The following NALF1 variants were observed in gnomAD, a reference collection of about 807,000 sequenced individuals.
The protein encoded by NALF1 is family with sequence similarity 155 member A.
Under a neutral mutation model 48.4 loss-of-function variants are expected in NALF1, and 3 were observed. That is an observed-to-expected ratio of 0.06 (90% CI 0.03 to 0.16). The LOEUF is 0.16. Among genes scored for constraint, NALF1 ranks in the 10% least tolerant of loss-of-function variants. NALF1 has a pLI of 1.00. For synonymous variants in NALF1, 262 were observed against 245.7 expected (o/e 1.07, Z -0.62); for missense variants, 526 against 571.5 (o/e 0.92, Z 0.81).
intron 1 of NALF1, 103 bp downstream of exon 1, chr13:107,865,579 C>A: frequency 6.8e-7 from 1 of 1,474,306 alleles, no homozygotes; most frequent in Non-Finnish European, 9.1e-7. Context: ...CACAAAGTAA[C>A]AAAACCATAG....
intron 1 of NALF1, among the ~76,000 whole-genome samples, chr13:107,644,646 C>CATATATATATATATATATATATATAT (rs58981652): frequency 3.3e-4 from 36 of 108,204 alleles, no homozygotes; most frequent in Admixed American, 7.4e-4. Flanking sequence ...TACATACATA[C>CATATATATATATATATATATATATAT]ATATATATAT....
chr13:107,523,314 T>C (rs1350935601), intron 1 of NALF1, among the ~76,000 whole-genome samples: 1 of 152,148 alleles, frequency 6.6e-6, no homozygotes, highest in East Asian at 1.9e-4. Context: ...CACGGGTATT[T>C]TAGAATCTCA....
chr13:107,259,423 T>A (rs1318347655), intron 1 of NALF1, among the ~76,000 whole-genome samples: 2 of 152,168 alleles, frequency 1.3e-5, no homozygotes, highest in Non-Finnish European at 2.9e-5. Context: ...GTCCTCAAGA[T>A]CTGTCACTGA....
chr13:107,636,484 T>C (rs79691903), intron 1 of NALF1, among the ~76,000 whole-genome samples: 1,946 of 152,288 alleles, frequency 0.013, 36 homozygotes, highest in African/African-American at 0.045. Flanking sequence ...CATTTAACCA[T>C]TTATTTTCAA....
intron 1 of NALF1, among the ~76,000 whole-genome samples, chr13:107,484,044 A>G (rs1885291925): frequency 6.6e-6 from 1 of 152,104 alleles, no homozygotes; most frequent in Non-Finnish European, 1.5e-5. Context: ...TGGAAAAGTC[A>G]GCATTAAATG....
intron 1 of NALF1, among the ~76,000 whole-genome samples, chr13:107,729,722 A>C (rs1485713782): frequency 1.3e-5 from 2 of 152,116 alleles, no homozygotes; most frequent in Non-Finnish European, 2.9e-5. Flanking sequence ...CAGGTAATCC[A>C]CCTGCCTCAG....
chr13:107,218,848 T>A (rs1030442858), intron 1 of NALF1, among the ~76,000 whole-genome samples: 1 of 152,198 alleles, frequency 6.6e-6, no homozygotes, highest in African/African-American at 2.4e-5. Context: ...ATTTTATAGC[T>A]GTTATTTAAA....
intron 1 of NALF1, among the ~76,000 whole-genome samples, chr13:107,648,966 C>T (rs919180650): frequency 1.3e-5 from 2 of 152,060 alleles, no homozygotes; most frequent in Non-Finnish European, 2.9e-5. Flanking sequence ...GCTTATTTGT[C>T]ATCTTAATAT....
chr13:107,523,126 T>C (rs1288701447), intron 1 of NALF1, among the ~76,000 whole-genome samples: 1 of 152,142 alleles, frequency 6.6e-6, no homozygotes, highest in Non-Finnish European at 1.5e-5. Context: ...GAAGAACTAA[T>C]GAGGTCATTC....
chr13:107,578,578 C>T (rs1277238623), intron 1 of NALF1, among the ~76,000 whole-genome samples: 1 of 152,104 alleles, frequency 6.6e-6, no homozygotes, highest in African/African-American at 2.4e-5. Flanking sequence ...AATTCATACT[C>T]ATTATATATT....
chr13:107,802,798 G>T (rs1594278126), intron 1 of NALF1, among the ~76,000 whole-genome samples: 1 of 152,220 alleles, frequency 6.6e-6, no homozygotes, highest in African/African-American at 2.4e-5. Context: ...GAATAAAAAA[G>T]AAAAAGCCAT....
chr13:107,232,608 T>C (rs55651442), intron 1 of NALF1, among the ~76,000 whole-genome samples: 1 of 152,144 alleles, frequency 6.6e-6, no homozygotes, highest in Non-Finnish European at 1.5e-5. Flanking sequence ...AATATGTACT[T>C]AGAATTTCCG....
At chr13:107,369,861 C>T (rs1056867097) in intron 1 of NALF1, among the ~76,000 whole-genome samples, 5 of 152,074 alleles carry the variant, frequency 3.3e-5, no homozygotes, top group Non-Finnish European at 5.9e-5. Context: ...GGCTTTGAGG[C>T]CAATGTAAGA....
At chr13:107,728,835 G>A (rs918898766) in intron 1 of NALF1, among the ~76,000 whole-genome samples, 1 of 152,152 alleles carries the variant, frequency 6.6e-6, no homozygotes, top group African/African-American at 2.4e-5. Context: ...TGGCATAGCT[G>A]AGATGTCAAG....
chr13:107,787,614 C>T (rs1003407250), intron 1 of NALF1, among the ~76,000 whole-genome samples: 2 of 152,210 alleles, frequency 1.3e-5, no homozygotes, highest in African/African-American at 4.8e-5. Flanking sequence ...AGCTACCTGA[C>T]TCTTGCTACA....
intron 2 of NALF1, among the ~76,000 whole-genome samples, chr13:107,174,363 A>ATTTATT (rs1555324623): frequency 2.1e-5 from 3 of 144,256 alleles, no homozygotes; most frequent in Non-Finnish European, 3.1e-5. Context: ...TTATTTATTT[A>ATTTATT]TTTTTTTTTT....
intron 1 of NALF1, among the ~76,000 whole-genome samples, chr13:107,657,171 T>TAA (rs11435074): frequency 3.3e-4 from 49 of 150,092 alleles, no homozygotes; most frequent in South Asian, 1.1e-3. Flanking sequence ...CCTATTGAAA[T>TAA]AAAAAAAAAA....
chr13:107,727,918 C>T (rs924719858), intron 1 of NALF1, among the ~76,000 whole-genome samples: 3 of 152,138 alleles, frequency 2.0e-5, no homozygotes, highest in Non-Finnish European at 4.4e-5. Context: ...GGCCAGCAAA[C>T]ATATGAAAAG....
intron 1 of NALF1, among the ~76,000 whole-genome samples, chr13:107,382,810 T>TC (rs1426485149): frequency 6.6e-6 from 1 of 152,190 alleles, no homozygotes; most frequent in African/African-American, 2.4e-5. Flanking sequence ...CAATCTTTTT[T>TC]CCCCCTGAAC....
Sources: allele counts gnomAD v4.1 joint callset (sites outside exome capture counted in the v4.1 genomes callset), GRCh38; gene constraint gnomAD v4.1.1; transcripts MANE v1.5; gene names NCBI Gene and HGNC (gene_info 2026-07-23, HGNC 2026-07-21).